CSMD3: variants seen among roughly 807,000 people sequenced by gnomAD.
The protein encoded by CSMD3 is CUB and Sushi multiple domains 3, also known as CUB and sushi domain-containing protein 3.
A neutral mutation model predicts 435.2 loss-of-function variants in CSMD3; 177 were observed. The observed-to-expected ratio is 0.41, with a 90% CI of 0.36 to 0.46. The LOEUF is 0.46. CSMD3 is among the 20% of genes least tolerant of loss of function. CSMD3 has a pLI of 0.34. For synonymous variants in CSMD3, 1,656 were observed against 1,520.5 expected (o/e 1.09, Z -2.07); for missense variants, 4,265 against 4,504.6 (o/e 0.95, Z 1.52).
intron 58 of CSMD3, 112 bp downstream of exon 58, chr8:112,286,952 G>C (rs1378780104): frequency 2.8e-5 from 24 of 844,702 alleles, no homozygotes; most frequent in Non-Finnish European, 4.7e-5. Flanking sequence ...TTATTTCATA[G>C]TTGCAGGCAG....
intron 16 of CSMD3, among the ~76,000 whole-genome samples, 160 bp downstream of exon 16, chr8:112,682,281 TA>T (rs1271984196): frequency 6.6e-6 from 1 of 152,130 alleles, no homozygotes; most frequent in African/African-American, 2.4e-5. Context: ...CATGAAAAAT[TA>T]AAAGTGTAAT....
chr8:113,279,074 AGT>A (rs1256224285), intron 2 of CSMD3, among the ~76,000 whole-genome samples: 2 of 151,484 alleles, frequency 1.3e-5, no homozygotes, highest in African/African-American at 4.8e-5. Flanking sequence ...CTAGTGACTA[AGT>A]TACCAAGACT....
chr8:113,265,714 T>C (rs1373753432), intron 3 of CSMD3, among the ~76,000 whole-genome samples: 2 of 151,616 alleles, frequency 1.3e-5, no homozygotes, highest in Non-Finnish European at 3.0e-5. Flanking sequence ...ATTTGTGTTA[T>C]TCTCTAGATT....
intron 22 of CSMD3, among the ~76,000 whole-genome samples, chr8:112,597,274 G>A (rs1336143906): frequency 6.6e-6 from 1 of 152,088 alleles, no homozygotes; most frequent in South Asian, 2.1e-4. Context: ...TAGAAGAAAT[G>A]GATAAATTCC....
intron 66 of CSMD3, among the ~76,000 whole-genome samples, chr8:112,239,756 A>G (rs1308436378): frequency 2.0e-5 from 3 of 152,038 alleles, no homozygotes; most frequent in East Asian, 3.8e-4. Flanking sequence ...TCTACTCTCT[A>G]TGTAGTTATG....
intron 3 of CSMD3, among the ~76,000 whole-genome samples, chr8:113,207,893 A>G (rs1014235831): frequency 5.9e-5 from 9 of 152,174 alleles, no homozygotes; most frequent in Non-Finnish European, 1.3e-4. Context: ...ACTTAACAAT[A>G]TACCTCACAA....
chr8:112,492,827 C>CT (rs760784267), intron 30 of CSMD3, 144 bp from the exon 31 acceptor site: 12 of 708,542 alleles, frequency 1.7e-5, no homozygotes, highest in Admixed American at 6.2e-5. Flanking sequence ...TATATACAGA[C>CT]TTTTTTTGTC....
intron 13 of CSMD3, among the ~76,000 whole-genome samples, chr8:112,723,038 CAA>C (rs780606356): frequency 2.4e-5 from 3 of 124,534 alleles, no homozygotes; most frequent in Admixed American, 8.1e-5. Context: ...TGACAAGTAG[CAA>C]AAAAAAAAAA....
chr8:112,699,350 G>A (rs1320199919), intron 13 of CSMD3, among the ~76,000 whole-genome samples: 1 of 152,122 alleles, frequency 6.6e-6, no homozygotes, highest in Non-Finnish European at 1.5e-5. Flanking sequence ...TTTAAGATCT[G>A]TAACATTCAC....
At chr8:113,242,846 C>T (rs1349451967) in intron 3 of CSMD3, among the ~76,000 whole-genome samples, 1 of 151,612 alleles carries the variant, frequency 6.6e-6, no homozygotes, top group East Asian at 1.9e-4. Flanking sequence ...AAAGTTCTCA[C>T]GATTCTCAAT....
intron 59 of CSMD3, among the ~76,000 whole-genome samples, chr8:112,273,140 C>T (rs1055422795): frequency 6.6e-6 from 1 of 151,996 alleles, no homozygotes; most frequent in African/African-American, 2.4e-5. Context: ...AAAATGAAGA[C>T]AATTCAATAA....
In CSMD3 at chr8:112,846,268, CCTTT is replaced by C. The variant is rs765089879; in HGVS notation, c.1755+12873_1755+12876del. On this transcript the variant is annotated intron_variant, in intron 11 of 70. Coordinates refer to ENST00000297405, the MANE Select transcript of CSMD3 (RefSeq NM_198123.2). ...TTAAAAAAGAAATATTCTTTTTTCC[CCTTT>C]CTTTCTTTCCTTCTCTCTCTCTCTT... is the stretch of plus-strand genomic sequence containing the variant. Among the ~76,000 whole-genome samples the C allele has an allele frequency of 2.9e-4, 41 of 140,714 alleles. 1 individual carries two copies. The highest frequency in any genetic ancestry group is 2.3e-3 in the South Asian group (10 of 4,402). The allele number at this position is 140,714 out of a possible 152,430, so 92.3% of individuals were successfully genotyped here. A position where few individuals can be genotyped will look rare whatever the true frequency, so the allele number is the denominator to read the frequency against.
At chr8:112,638,176 AAATT>A (rs1816722804) in intron 21 of CSMD3, among the ~76,000 whole-genome samples, 1 of 140,066 alleles carries the variant, frequency 7.1e-6, no homozygotes, top group African/African-American at 2.7e-5. Flanking sequence ...CCAGAATAAT[AAATT>A]ACTATTTATT....
At chr8:112,653,135 A>T (rs1399075836) in intron 18 of CSMD3, among the ~76,000 whole-genome samples, 1 of 152,190 alleles carries the variant, frequency 6.6e-6, no homozygotes, top group Non-Finnish European at 1.5e-5. Context: ...AAATTCTTAA[A>T]TGTTGGCAAT....
chr8:113,282,969 A>T (rs1018948382), intron 2 of CSMD3, among the ~76,000 whole-genome samples: 5 of 152,074 alleles, frequency 3.3e-5, no homozygotes, highest in Non-Finnish European at 5.9e-5. Flanking sequence ...AAGCAAACAA[A>T]AACATAAAGT....
chr8:112,423,658 T>C (rs1391951111), intron 32 of CSMD3, among the ~76,000 whole-genome samples: 2 of 152,120 alleles, frequency 1.3e-5, no homozygotes, highest in Non-Finnish European at 2.9e-5. Flanking sequence ...TTGCCCAGGC[T>C]GGACTCGAAC....
At chr8:112,734,788 T>G (rs1263850872) in intron 13 of CSMD3, among the ~76,000 whole-genome samples, 2 of 152,024 alleles carry the variant, frequency 1.3e-5, no homozygotes, top group African/African-American at 4.8e-5. Flanking sequence ...AAATGCTATA[T>G]AAGAATAGGT....
intron 4 of CSMD3, among the ~76,000 whole-genome samples, chr8:113,124,290 C>T (rs1371759301): frequency 6.6e-6 from 1 of 151,904 alleles, no homozygotes; most frequent in Admixed American, 6.6e-5. Context: ...TAAGAATTAT[C>T]TCAGAGGAAT....
chr8:112,242,782 AT>A (rs1814290523), intron 65 of CSMD3, among the ~76,000 whole-genome samples: 1 of 152,280 alleles, frequency 6.6e-6, no homozygotes, highest in South Asian at 2.1e-4. Context: ...CAAGCAAACA[AT>A]TGAATATGTA....
Sources: allele counts gnomAD v4.1 joint callset (sites outside exome capture counted in the v4.1 genomes callset), GRCh38; gene constraint gnomAD v4.1.1; transcripts MANE v1.5; gene names NCBI Gene and HGNC (gene_info 2026-07-23, HGNC 2026-07-21).